The following SEZ6L2 variants were observed in gnomAD, a reference collection of about 807,000 sequenced individuals.
The protein encoded by SEZ6L2 is seizure 6-like protein 2.
Under a neutral mutation model 97.0 loss-of-function variants are expected in SEZ6L2, and 44 were observed. That is an observed-to-expected ratio of 0.45 (90% CI 0.36 to 0.58). SEZ6L2 has a LOEUF of 0.58. SEZ6L2 is among the 20% of genes least tolerant of loss of function. The pLI is 0.00. For synonymous variants in SEZ6L2, 543 were observed against 546.1 expected (o/e 0.99, Z 0.08); for missense variants, 1,086 against 1,233.3 (o/e 0.88, Z 1.79).
At chr16:29,884,195 C>T (rs1239305449) in intron 8 of SEZ6L2, among the ~76,000 whole-genome samples, 1 of 152,316 alleles carries the variant, frequency 6.6e-6, no homozygotes, top group South Asian at 2.1e-4. Flanking sequence ...TTGGCTCAGG[C>T]TAAGGCCAAC....
At position 29,899,047 on chromosome 16, in the gene SEZ6L2, G is replaced by T. The variant is rs1307026007; in HGVS notation, c.-28C>A. ...CGACTCACCCCGATCTCTCTCCTCT[G>T]TGCCTCTCTAAGTAATCTGGCTGCC... On this transcript the variant is annotated 5_prime_UTR_variant, in exon 1 of 18. Transcript: ENST00000617533. The T allele has an allele frequency of 1.9e-6, 3 of 1,563,254 alleles. No homozygotes were observed. The highest frequency in any genetic ancestry group is 4.5e-5 in the East Asian group (2 of 44,214).
chr16:29,878,123 C>T (rs2067948761), intron 10 of SEZ6L2, among the ~76,000 whole-genome samples, 164 bp downstream of exon 10: 1 of 152,172 alleles, frequency 6.6e-6, no homozygotes, highest in African/African-American at 2.4e-5. Flanking sequence ...GATTTGAGCC[C>T]AGCTCTCTCA....
At chr16:29,874,719 C>T (rs949720080) in intron 12 of SEZ6L2, among the ~76,000 whole-genome samples, 10 of 151,258 alleles carry the variant, frequency 6.6e-5, no homozygotes, top group African/African-American at 9.7e-5. Context: ...TACAGGCATT[C>T]GCTACCATGC....
chr16:29,897,789 A>G (rs1444673610), intron 2 of SEZ6L2, 64 bp downstream of exon 2: 2 of 1,510,070 alleles, frequency 1.3e-6, no homozygotes, highest in Non-Finnish European at 1.8e-6. Context: ...CTGGCTCCCC[A>G]TCTCCCTGAG....
chr16:29,896,694 C>G (rs1393072473), intron 3 of SEZ6L2, 128 bp downstream of exon 3: 8 of 754,440 alleles, frequency 1.1e-5, no homozygotes, highest in Non-Finnish European at 1.5e-5. Flanking sequence ...GAAATGCTAC[C>G]TTTGTTATTA....
At position 29,879,935 on chromosome 16, in the gene SEZ6L2, C is replaced by A; in HGVS notation, c.1502G>T (p.Gly501Val). Residue 501 changes from glycine to valine, a missense_variant, in exon 9 of 18, where the codon GGG (glycine) becomes GTG (valine). Gly to Val is a moderately radical substitution (Grantham distance 109). This residue lies in a region of SEZ6L2 where 776 missense variants were observed against 794.7 expected (regional missense o/e 0.98). Coordinates refer to ENST00000617533, the MANE Select transcript of SEZ6L2 (RefSeq NM_001243332.2). ...CACACATTCGATGGCATTGGGGGGC[C>A]CAGGGGGCTCCAGGGCATATCCTGG... ...CLPGYALEPP[G>V]PPNAIECVDP... The A allele has an allele frequency of 3.7e-6, 6 of 1,614,054 alleles. No homozygotes were observed. Among genetic ancestry groups the A allele is most frequent in the Non-Finnish European group, 5.1e-6 (6 of 1,179,970 alleles).
chr16:29,883,855 C>T (rs1458126049), intron 8 of SEZ6L2, among the ~76,000 whole-genome samples: 1 of 151,920 alleles, frequency 6.6e-6, no homozygotes, highest in Non-Finnish European at 1.5e-5. Flanking sequence ...TCACTTGAGC[C>T]CAGGAGGTTG....
chr16:29,897,710 T>C (rs2150820187), intron 2 of SEZ6L2, 143 bp downstream of exon 2: 1 of 1,005,796 alleles, frequency 9.9e-7, no homozygotes, highest in South Asian at 1.8e-5. Flanking sequence ...TCTCGTTCTG[T>C]GTTCCCTGAA....
chr16:29,880,148 G>A (rs2068000303), intron 8 of SEZ6L2, 84 bp from the exon 9 acceptor site: 3 of 1,289,850 alleles, frequency 2.3e-6, no homozygotes. Context: ...GAATTGGGGT[G>A]TTCTTTGGCC....
intron 8 of SEZ6L2, among the ~76,000 whole-genome samples, chr16:29,883,485 C>CTT (rs965215021): frequency 6.6e-6 from 1 of 151,824 alleles, no homozygotes; most frequent in Admixed American, 6.6e-5. Context: ...ATAATTATTA[C>CTT]TTTTTTTTAA....
At chr16:29,891,770 T>C (rs2068277140) in intron 5 of SEZ6L2, among the ~76,000 whole-genome samples, 1 of 152,230 alleles carries the variant, frequency 6.6e-6, no homozygotes, top group South Asian at 2.1e-4. Flanking sequence ...ACTTACTAAC[T>C]ACATGCCTTT....
intron 5 of SEZ6L2, 151 bp from the exon 6 acceptor site, chr16:29,888,876 TC>T (rs1389055161): frequency 1.5e-6 from 1 of 650,578 alleles, no homozygotes; most frequent in Non-Finnish European, 2.5e-6. Flanking sequence ...AAATAAGAGC[TC>T]CTCACACAGG....
chr16:29,899,423 G>A lies in SEZ6L2; in HGVS notation c.-404C>T. 4.6e-6 allele frequency: 1 copy of A among 215,558 alleles called. No individual in the cohort carries two copies. Among genetic ancestry groups the A allele is most frequent in the Non-Finnish European group, 9.2e-6 (1 of 108,586 alleles). The allele number at this position is 215,558 out of a possible 1,614,324, so 13.4% of individuals were successfully genotyped here. On this transcript the variant is annotated 5_prime_UTR_variant, in exon 1 of 18. Coordinates refer to ENST00000617533, the MANE Select transcript of SEZ6L2 (RefSeq NM_001243332.2). Reference sequence around the variant, plus strand: ...AGAAAGACAGCTTCTGGGGGTTTAGGGTGGGGTCGAGGATCGAGGGGGTCT... The same window carrying A: ...AGAAAGACAGCTTCTGGGGGTTTAGAGTGGGGTCGAGGATCGAGGGGGTCT...
At chr16:29,891,743 C>T (rs1436264396) in intron 5 of SEZ6L2, among the ~76,000 whole-genome samples, 11 of 152,210 alleles carry the variant, frequency 7.2e-5, no homozygotes, top group Admixed American at 7.2e-4. Flanking sequence ...GACCTGAGTT[C>T]CAGTTCTAGC....
At chr16:29,881,044 G>C (rs953939233) in intron 8 of SEZ6L2, among the ~76,000 whole-genome samples, 2 of 152,058 alleles carry the variant, frequency 1.3e-5, no homozygotes, top group Non-Finnish European at 2.9e-5. Context: ...AAAGTGCTGG[G>C]ATTACAGGTA....
rs182768628 is a variant in SEZ6L2 at position 29,895,938 on chromosome 16, C to G, written c.512-78G>C. 1.5e-4 allele frequency: 209 copies of G among 1,420,022 alleles called. 1 individual carries two copies. In the Admixed American group the frequency reaches 4.3e-3, roughly 29 times the overall value. The allele number at this position is 1,420,022 out of a possible 1,614,324, so 88.0% of individuals were successfully genotyped here. A position where few individuals can be genotyped will look rare whatever the true frequency, so the allele number is the denominator to read the frequency against. On this transcript the variant is annotated intron_variant, in intron 3 of 17. Coordinates refer to ENST00000617533, the MANE Select transcript of SEZ6L2 (RefSeq NM_001243332.2). ...CCAGCCAAGCAACTCTGGCCTTCAT[C>G]TCCCTTCTCCTTAGCACTTCTCATC...
In SEZ6L2 at chr16:29,887,699, G is replaced by A. The variant is rs770381790; in HGVS notation, c.1158C>T (p.Arg386=). The change falls in exon 7 of 18, where the codon CGC becomes CGT. Residue 386 remains arginine, a synonymous_variant. Coordinates refer to ENST00000617533, the MANE Select transcript of SEZ6L2 (RefSeq NM_001243332.2). ...CRWVIEAAEG[R]RLHLHFERVS... is the part of the protein sequence containing the mutation. ...CCCTTTCAAAGTGCAGGTGCAGCCG[G>A]CGCCCCTCAGCTGCTTCAATGACCC... The A allele has an allele frequency of 1.1e-5, 17 of 1,609,240 alleles. No individual in the cohort carries two copies. Among genetic ancestry groups the A allele is most frequent in the Non-Finnish European group, 1.4e-5 (17 of 1,177,120 alleles).
intron 8 of SEZ6L2, among the ~76,000 whole-genome samples, chr16:29,884,770 G>A (rs747420555): frequency 3.3e-5 from 5 of 151,544 alleles, no homozygotes; most frequent in African/African-American, 1.2e-4. Flanking sequence ...AAAATTAGCT[G>A]GGCATGGTGG....
At chr16:29,881,524 T>G (rs1430184945) in intron 8 of SEZ6L2, among the ~76,000 whole-genome samples, 1 of 152,106 alleles carries the variant, frequency 6.6e-6, no homozygotes, top group Non-Finnish European at 1.5e-5. Context: ...AGTGAACATT[T>G]GTAGAGCATT....
Sources: gnomAD v4.1 joint callset for allele counts (sites outside exome capture counted in the v4.1 genomes callset) on GRCh38, gnomAD v4.1.1 for gene constraint, gnomAD v4.1.1 regional missense constraint, MANE v1.5 for transcripts, NCBI Gene and HGNC (gene_info 2026-07-23, HGNC 2026-07-21) for gene names.